Variants in KCND2 observed in about 807,000 individuals in gnomAD.
The protein encoded by KCND2 is A-type voltage-gated potassium channel KCND2.
KCND2 carries 16 observed loss-of-function variants against 54.4 expected under a neutral mutation model. The observed-to-expected ratio is 0.29, with a 90% confidence interval of 0.20 to 0.45. The LOEUF is 0.45. KCND2 is among the 20% of genes least tolerant of loss of function. The pLI is 1.00. For synonymous variants in KCND2, 317 were observed against 310.7 expected (o/e 1.02, Z -0.21); for missense variants, 486 against 824.2 (o/e 0.59, Z 5.02).
At chr7:120,515,727 G>T (rs2116338715) in intron 1 of KCND2, among the ~76,000 whole-genome samples, 1 of 152,226 alleles carries the variant, frequency 6.6e-6, no homozygotes, top group Middle Eastern at 3.4e-3. Flanking sequence ...ATGAACTATG[G>T]AGCTAATAGA....
chr7:120,275,797 A>G, intron 1 of KCND2, 50 bp downstream of exon 1: 1 of 1,572,024 alleles, frequency 6.4e-7, no homozygotes, highest in Non-Finnish European at 8.7e-7. Context: ...GGGTGAGGCG[A>G]TTGTGGACCC....
intron 1 of KCND2, among the ~76,000 whole-genome samples, chr7:120,663,803 T>C (rs1279502052): frequency 6.6e-6 from 1 of 152,186 alleles, no homozygotes; most frequent in Non-Finnish European, 1.5e-5. Flanking sequence ...CACCACGATA[T>C]TTCCCAACAT....
At chr7:120,580,900 G>A (rs1481758317) in intron 1 of KCND2, among the ~76,000 whole-genome samples, 3 of 152,168 alleles carry the variant, frequency 2.0e-5, no homozygotes, top group Non-Finnish European at 4.4e-5. Context: ...AATTACCTTA[G>A]TGTAAGGATA....
intron 1 of KCND2, among the ~76,000 whole-genome samples, chr7:120,410,108 T>G (rs35455653): frequency 0.046 from 6,963 of 152,018 alleles, 252 homozygotes; most frequent in Non-Finnish European, 0.066. Context: ...ACATGGATAT[T>G]ACATCCAACT....
At chr7:120,390,883 T>A (rs893268653) in intron 1 of KCND2, among the ~76,000 whole-genome samples, 3 of 152,004 alleles carry the variant, frequency 2.0e-5, no homozygotes, top group Non-Finnish European at 1.5e-5. Context: ...AAACAGAAAG[T>A]TTTTTTATTG....
At chr7:120,501,995 T>G (rs1449496928) in intron 1 of KCND2, among the ~76,000 whole-genome samples, 1 of 152,106 alleles carries the variant, frequency 6.6e-6, no homozygotes, top group Non-Finnish European at 1.5e-5. Flanking sequence ...ATACAGTGTT[T>G]TTAACAAGTT....
intron 1 of KCND2, among the ~76,000 whole-genome samples, chr7:120,632,906 T>A (rs189313329): frequency 3.9e-5 from 6 of 152,298 alleles, no homozygotes; most frequent in African/African-American, 1.4e-4. Context: ...CAAAGAAACA[T>A]GAGTAATCTC....
chr7:120,391,800 C>T (rs1223995408), intron 1 of KCND2, among the ~76,000 whole-genome samples: 7 of 151,588 alleles, frequency 4.6e-5, no homozygotes, highest in Non-Finnish European at 1.0e-4. Flanking sequence ...AAGTTTTTTG[C>T]AGATTCTGGA....
chr7:120,687,455 G>C (rs887322451), intron 1 of KCND2, among the ~76,000 whole-genome samples: 1 of 152,088 alleles, frequency 6.6e-6, no homozygotes, highest in Middle Eastern at 3.2e-3. Flanking sequence ...AATTAAATAA[G>C]TATCTAATGA....
Position 120,650,850 on chromosome 7 carries a change from G to T in KCND2, c.1116-82053G>T, listed in dbSNP as rs549237747. Among the ~76,000 whole-genome samples, 3 of 143,962 alleles carry T rather than the reference G, an allele frequency of 2.1e-5. 1 individual carries two copies. The highest frequency in any genetic ancestry group is 8.1e-5 in the African/African-American group (3 of 36,864). 94.4% of individuals were successfully genotyped at this position (143,962 alleles called of 152,430 possible). A position where few individuals can be genotyped will look rare whatever the true frequency, so the allele number is the denominator to read the frequency against. On this transcript the variant is annotated intron_variant, in intron 1 of 5. Coordinates refer to ENST00000331113, the MANE Select transcript of KCND2 (RefSeq NM_012281.3). ...CTTCTAACAGTCAGGACCCTCAGCT[G>T]CAGGTCTGTTGGAGTTTGCTGGAGG...
At chr7:120,658,032 A>C (rs1024784839) in intron 1 of KCND2, among the ~76,000 whole-genome samples, 2 of 152,216 alleles carry the variant, frequency 1.3e-5, no homozygotes, top group African/African-American at 4.8e-5. Context: ...TATTAAGAGA[A>C]GCTAATAAAT....
At chr7:120,425,941 G>A (rs1801700142) in intron 1 of KCND2, among the ~76,000 whole-genome samples, 1 of 139,714 alleles carries the variant, frequency 7.2e-6, no homozygotes, top group South Asian at 2.1e-4. Flanking sequence ...TTTCTATCTT[G>A]ACTCTATTTT....
rs181083791 is a variant in KCND2, at chr7:120,648,617, G to T, written c.1116-84286G>T. Among the ~76,000 whole-genome samples, 373 of 152,218 alleles carry T rather than the reference G, an allele frequency of 2.5e-3. 1 individual carries two copies. The highest frequency in any genetic ancestry group is 8.4e-3 in the African/African-American group (347 of 41,520). On this transcript the variant is annotated intron_variant, in intron 1 of 5. Transcript: ENST00000331113. ...TCTGTGCAAGAGTGAAGGAATTGGG[G>T]TCACTGTGTTAGCTTTGCATTGCCC...
chr7:120,583,769 T>A (rs1792550470), intron 1 of KCND2, among the ~76,000 whole-genome samples: 1 of 117,426 alleles, frequency 8.5e-6, no homozygotes, highest in Admixed American at 9.3e-5. Flanking sequence ...GGTTAGGAAT[T>A]CAGCATAGGA....
At chr7:120,499,212 C>T (rs1308906681) in intron 1 of KCND2, among the ~76,000 whole-genome samples, 2 of 152,052 alleles carry the variant, frequency 1.3e-5, no homozygotes, top group East Asian at 3.9e-4. Flanking sequence ...AATGAATTCT[C>T]TGATAAGGGA....
chr7:120,325,561 T>G (rs1799962008), intron 1 of KCND2, among the ~76,000 whole-genome samples: 1 of 151,506 alleles, frequency 6.6e-6, no homozygotes, highest in East Asian at 1.9e-4. Flanking sequence ...GAGATAATCA[T>G]GTGGTTTTTG....
chr7:120,659,463 T>C (rs1458207540), intron 1 of KCND2, among the ~76,000 whole-genome samples: 2 of 152,148 alleles, frequency 1.3e-5, no homozygotes, highest in Non-Finnish European at 2.9e-5. Flanking sequence ...TGGAAGGAAA[T>C]ATTTGTGTGT....
At chr7:120,442,078 T>A (rs1206134124) in intron 1 of KCND2, among the ~76,000 whole-genome samples, 2 of 152,118 alleles carry the variant, frequency 1.3e-5, no homozygotes, top group Admixed American at 6.6e-5. Flanking sequence ...ATTACAACTC[T>A]TGCAGAGTCT....
intron 1 of KCND2, among the ~76,000 whole-genome samples, chr7:120,722,696 T>C (rs571575179): frequency 5.3e-5 from 8 of 152,198 alleles, no homozygotes; most frequent in Non-Finnish European, 8.8e-5. Flanking sequence ...ATGAGACCTC[T>C]AATAGCTAAT....
Sources: gnomAD v4.1 joint callset for allele counts (sites outside exome capture counted in the v4.1 genomes callset) on GRCh38, gnomAD v4.1.1 for gene constraint, MANE v1.5 for transcripts, NCBI Gene and HGNC (gene_info 2026-07-23, HGNC 2026-07-21) for gene names.